FREM3: variants seen among roughly 807,000 people sequenced by gnomAD.
FREM3 encodes FRAS1-related extracellular matrix protein 3.
In FREM3, 105 loss-of-function variants were observed where a neutral mutation model predicts 129.1. The ratio of observed to expected loss-of-function variants is 0.81; its 90% CI spans 0.69 to 0.96. The LOEUF (loss-of-function observed/expected upper bound fraction) is 0.96, where lower values mean the gene tolerates loss of function less well. Ranked by LOEUF, FREM3 falls within the 40% of genes least tolerant of loss-of-function variation. The pLI is 0.00. For synonymous variants in FREM3, 1,014 were observed against 1,044.9 expected, an observed-to-expected ratio of 0.97 and a Z score of 0.57; for missense variants, 2,593 against 2,666.3, an observed-to-expected ratio of 0.97 and a Z score of 0.61.
In FREM3 at chr4:143,598,007, G is replaced by A. The variant is rs542749897; in HGVS notation, c.6029-12014C>T. Among the ~76,000 whole-genome samples, 7 of 152,302 alleles carry A rather than the reference G, an allele frequency of 4.6e-5. No homozygotes were observed. In the South Asian group the frequency reaches 1.5e-3, roughly 32 times the overall value. On this transcript the variant is annotated intron_variant, in intron 6 of 7. Coordinates refer to ENST00000329798, the MANE Select transcript of FREM3 (RefSeq NM_001168235.2). ...TGCTATACACTTATATGACAAAAGA[G>A]GTGAGGGGTCTCTTTCAGGTCTCTT...
At position 143,699,319 on chromosome 4, in the gene FREM3, T is replaced by C. The variant is rs1048534897; in HGVS notation, c.1357A>G (p.Ser453Gly). The C allele has an allele frequency of 1.3e-6, 2 of 1,537,358 alleles. No individual in the cohort carries two copies. Among genetic ancestry groups the C allele is most frequent in the Non-Finnish European group, 1.7e-6 (2 of 1,146,938 alleles). ...LFEGQSRPLS[S>G]THSIPISDKD... is the part of the protein sequence containing the mutation. ...TCACTGATAGGAATGCTGTGGGTGC[T>C]GGACAAGGGCCTTGACTGACCTTCA... The change falls in exon 1 of 8, where the codon AGC becomes GGC. Residue 453 changes from serine (S) to glycine (G), a missense_variant. Physicochemically the swap from Ser to Gly is moderately conservative, Grantham distance 56. Around this residue, in one of 2 missense-constraint regions of FREM3, gnomAD observed 2,276 missense variants for 2,267.2 expected, o/e 1.00. Coordinates refer to ENST00000329798, the MANE Select transcript of FREM3 (RefSeq NM_001168235.2). The surrounding 1 kb of genome is among the most constrained non-coding windows in gnomAD (Gnocchi z 4.2).
At chr4:143,650,424 G>A (rs1262801612) in intron 2 of FREM3, among the ~76,000 whole-genome samples, 1 of 152,172 alleles carries the variant, frequency 6.6e-6, no homozygotes, top group Non-Finnish European at 1.5e-5. Context: ...CAATGACTGT[G>A]GTATCTAAAC....
intron 6 of FREM3, among the ~76,000 whole-genome samples, chr4:143,590,982 G>A (rs1189065883): frequency 2.0e-5 from 3 of 152,190 alleles, no homozygotes; most frequent in East Asian, 1.9e-4. Flanking sequence ...TGTATATGTC[G>A]AGGAATTTAT....
intron 7 of FREM3, among the ~76,000 whole-genome samples, chr4:143,583,984 T>C (rs1219285434): frequency 6.6e-6 from 1 of 152,154 alleles, no homozygotes; most frequent in African/African-American, 2.4e-5. Context: ...GAAAACAGGC[T>C]AAATGACCCA....
At position 143,621,088 on chromosome 4, in the gene FREM3, G is replaced by A. The variant is rs886043245; in HGVS notation, c.5728C>T (p.Arg1910Ter). ...AGTTCCTGGCTTGCATCTCCAGATC[G>A]TCTTACTGGAATCAAAAGTTCCCCA... ...DIGELLIPVR[R>*]SGDASQELIV... Residue 1910 changes from arginine to a stop codon, truncating the protein, a stop_gained, in exon 5 of 8, where the codon CGA becomes TGA. Coordinates refer to ENST00000329798, the MANE Select transcript of FREM3 (RefSeq NM_001168235.2). LOFTEE classifies it high-confidence loss of function. 34 of 1,536,930 alleles carry A rather than the reference G, an allele frequency of 2.2e-5. No homozygotes were observed. The highest frequency in any genetic ancestry group is 2.8e-5 in the Non-Finnish European group (32 of 1,146,762).
chr4:143,695,897 C>T lies in FREM3; in HGVS notation c.4779G>A (p.Val1593=). The stretch of plus-strand genomic sequence containing the variant: ...TCAGGTCTTGCTTGGTGAAAGTGGT[C>T]ACGGGACGGCTACCATTGTACAAAA... The part of the protein sequence containing the change: ...GKILYNGSRP[V]TTFTKQDLNK... Residue 1593 remains valine, a synonymous_variant, in exon 1 of 8, where the codon GTG becomes GTA. Transcript: ENST00000329798. 2 of 1,537,590 alleles carry T rather than the reference C, an allele frequency of 1.3e-6. No homozygotes were observed. The highest frequency in any genetic ancestry group is 1.7e-6 in the Non-Finnish European group (2 of 1,146,994).
At chr4:143,676,469 T>G (rs1006782382) in intron 2 of FREM3, among the ~76,000 whole-genome samples, 1 of 152,198 alleles carries the variant, frequency 6.6e-6, no homozygotes, top group Admixed American at 6.5e-5. Context: ...GCATTCCCTT[T>G]GAAAACTGGC....
intron 2 of FREM3, among the ~76,000 whole-genome samples, chr4:143,635,057 G>GAC (rs1444417365): frequency 6.6e-6 from 1 of 152,088 alleles, no homozygotes; most frequent in Non-Finnish European, 1.5e-5. Flanking sequence ...GCAGATTCTG[G>GAC]ACTGTATGAA....
At position 143,699,373 on chromosome 4, in the gene FREM3, C is replaced by T. The variant is rs1365742306; in HGVS notation, c.1303G>A (p.Ala435Thr). The T allele has an allele frequency of 4.6e-6, 7 of 1,537,292 alleles. No homozygotes were observed. The East Asian group carries it at 1.7e-4, about 38-fold the overall frequency. ...AGCACAAGTCCCCTGTTATGGCTAG[C>T]CACTGGGACCAGAGTATTCATGGAT... is the stretch of plus-strand genomic sequence containing the variant. ...VKSMNTLVPV[A>T]SHNRGLVLFE... Residue 435 changes from alanine (A) to threonine (T), a missense_variant, in exon 1 of 8, where the codon GCT becomes ACT. Transcript: ENST00000329798. The surrounding 1 kb of genome is among the most constrained non-coding windows in gnomAD (Gnocchi z 4.2).
intron 6 of FREM3, among the ~76,000 whole-genome samples, chr4:143,605,149 G>A (rs1022878116): frequency 5.9e-5 from 9 of 152,042 alleles, no homozygotes; most frequent in African/African-American, 1.7e-4. Flanking sequence ...ATTGGGTCAT[G>A]TACTGGATTT....
chr4:143,648,448 C>T (rs557963181), intron 2 of FREM3, among the ~76,000 whole-genome samples: 23 of 152,102 alleles, frequency 1.5e-4, no homozygotes, highest in Non-Finnish European at 2.9e-4. Flanking sequence ...GCTCTGTGTA[C>T]CTACACCTTG....
chr4:143,611,633 G>C (rs1256901047), intron 5 of FREM3, 106 bp from the exon 6 acceptor site: 8 of 965,112 alleles, frequency 8.3e-6, no homozygotes, highest in Non-Finnish European at 1.2e-5. Flanking sequence ...CTATCTGAAT[G>C]ATACAACACA....
At position 143,577,474 on chromosome 4, in the gene FREM3, C is replaced by T. The variant is rs1738058566; in HGVS notation, c.*137G>A. On this transcript the variant is annotated 3_prime_UTR_variant, in exon 8 of 8. Coordinates refer to ENST00000329798, the MANE Select transcript of FREM3 (RefSeq NM_001168235.2). ...CATGCAGTCATATAAATTACATTTC[C>T]ACATATCACCAGAATATAACACCAA... The T allele has an allele frequency of 1.3e-6, 1 of 781,714 alleles. No individual in the cohort carries two copies. The allele number at this position is 781,714 out of a possible 1,614,324, so 48.4% of individuals were successfully genotyped here.
At chr4:143,621,247 C>A in intron 4 of FREM3, 85 bp from the exon 5 acceptor site, 1 of 1,225,678 alleles carries the variant, frequency 8.2e-7, no homozygotes, top group Non-Finnish European at 1.1e-6. Context: ...ATGTACAAAG[C>A]CTTTGACTCT....
chr4:143,667,725 T>C (rs1739889551), intron 2 of FREM3, among the ~76,000 whole-genome samples: 1 of 152,172 alleles, frequency 6.6e-6, no homozygotes, highest in African/African-American at 2.4e-5. Flanking sequence ...CTGCCCGGAG[T>C]AGGGCTTAGT....
At chr4:143,665,878 T>C (rs1056103786) in intron 2 of FREM3, among the ~76,000 whole-genome samples, 1 of 152,142 alleles carries the variant, frequency 6.6e-6, no homozygotes, top group Non-Finnish European at 1.5e-5. Flanking sequence ...TTATCATAAT[T>C]ACCCACTGAA....
rs1350961526 is a variant in FREM3, at chr4:143,585,885, A to G, written c.6137T>C (p.Ile2046Thr). The part of the protein sequence containing the change: ...RGTDLSQPSS[I>T]AVRSRKSEQE... ...CTCTGACTTTCTGGAGCGCACGGCG[A>G]TGGATGATGGTTGGGAAAGATCAGT... Residue 2046 changes from isoleucine (I) to threonine (T), a missense_variant, in exon 7 of 8, where the codon ATC (isoleucine) becomes ACC (threonine). By Grantham distance (89) the Ile-to-Thr change is moderately conservative. Coordinates refer to ENST00000329798, the MANE Select transcript of FREM3 (RefSeq NM_001168235.2). This position sits in a 1 kb window ranked among gnomAD's most constrained non-coding sequence, Gnocchi z 4.2. 1 of 1,537,312 alleles carries G rather than the reference A, an allele frequency of 6.5e-7. No homozygotes were observed. The highest frequency in any genetic ancestry group is 8.7e-7 in the Non-Finnish European group (1 of 1,146,930).
chr4:143,699,663 T>A lies in FREM3; in HGVS notation c.1013A>T (p.Asp338Val). ...DALAAEDVES[D>V]PGDLVFNILN... ...AATGTTGAACACCAGGTCACCAGGG[T>A]CTGACTCGACGTCCTCCGCGGCCAG... The change falls in exon 1 of 8, where the codon GAC (aspartate) becomes GTC (valine). Residue 338 changes from aspartate to valine, a missense_variant. Physicochemically the swap from Asp to Val is radical, Grantham distance 152 (BLOSUM62 -3). Around this residue, in one of 2 missense-constraint regions of FREM3, gnomAD observed 2,276 missense variants for 2,267.2 expected, o/e 1.00. Transcript: ENST00000329798. The surrounding 1 kb of genome is among the most constrained non-coding windows in gnomAD (Gnocchi z 4.2). 1.3e-6 allele frequency: 2 copies of A among 1,529,506 alleles called. No homozygotes were observed. The highest frequency in any genetic ancestry group is 8.8e-7 in the Non-Finnish European group (1 of 1,142,394). The allele number at this position is 1,529,506 out of a possible 1,614,324, so 94.7% of individuals were successfully genotyped here. A position where few individuals can be genotyped will look rare whatever the true frequency, so the allele number is the denominator to read the frequency against.
Position 143,662,801 on chromosome 4 carries a change from C to T in FREM3, c.5275+30312G>A, listed in dbSNP as rs566105657. The stretch of plus-strand genomic sequence containing the variant: ...GTGTATATATATTTAGGATAGTTAG[C>T]TCTTCTTGTTGAATTGATCCCTTTA... On this transcript the variant is annotated intron_variant, in intron 2 of 7. Transcript: ENST00000329798. 3.9e-5 allele frequency among the ~76,000 whole-genome samples: 6 copies of T among 151,902 alleles called. No individual in the cohort carries two copies. In the East Asian group the frequency reaches 9.7e-4, roughly 24 times the overall value.
Sources: gnomAD v4.1 joint callset for allele counts (sites outside exome capture counted in the v4.1 genomes callset) on GRCh38, gnomAD v4.1.1 for gene constraint, gnomAD v4.1.1 regional missense constraint, Gnocchi (gnomAD v3.1) non-coding constraint, MANE v1.5 for transcripts, NCBI Gene and HGNC (gene_info 2026-07-23, HGNC 2026-07-21) for gene names.